The following SAMD12 variants were observed in gnomAD, a reference collection of about 807,000 sequenced individuals.
SAMD12 encodes sterile alpha motif domain containing 12.
In SAMD12, 9 loss-of-function variants were observed where a neutral mutation model predicts 15.0. The ratio of observed to expected loss-of-function variants is 0.60; its 90% CI spans 0.36 to 1.05. The LOEUF (loss-of-function observed/expected upper bound fraction) is 1.05. Among genes scored for constraint, SAMD12 ranks in the 50% least tolerant of loss-of-function variants. The probability of loss-of-function intolerance (pLI) is 0.01; values close to 1 mark genes in which losing one functional copy is unlikely to be tolerated. For synonymous variants in SAMD12, 86 were observed against 90.1 expected (o/e 0.96, Z 0.25); for missense variants, 230 against 234.2 (o/e 0.98, Z 0.12).
At chr8:118,512,530 T>C (rs1019841720) in intron 2 of SAMD12, among the ~76,000 whole-genome samples, 1 of 152,246 alleles carries the variant, frequency 6.6e-6, no homozygotes, top group African/African-American at 2.4e-5. Context: ...GATATTTTTA[T>C]GAAACCACAA....
At chr8:118,561,137 G>A (rs1173238320) in intron 2 of SAMD12, among the ~76,000 whole-genome samples, 1 of 151,956 alleles carries the variant, frequency 6.6e-6, no homozygotes, top group East Asian at 1.9e-4. Flanking sequence ...TCTCCCCAGG[G>A]TGCAAAACAA....
chr8:118,337,964 T>C (rs1292723875), intron 4 of SAMD12, among the ~76,000 whole-genome samples: 1 of 152,214 alleles, frequency 6.6e-6, no homozygotes, highest in African/African-American at 2.4e-5. Context: ...TAATGCATAC[T>C]ATACATAGGA....
At chr8:118,354,081 T>C (rs1353536114) in intron 4 of SAMD12, among the ~76,000 whole-genome samples, 1 of 152,238 alleles carries the variant, frequency 6.6e-6, no homozygotes, top group African/African-American at 2.4e-5. Flanking sequence ...ACAACCCTTT[T>C]GAGTTCCTTT....
At chr8:118,279,860 G>C (rs1813568927) in intron 4 of SAMD12, among the ~76,000 whole-genome samples, 1 of 152,210 alleles carries the variant, frequency 6.6e-6, no homozygotes, top group African/African-American at 2.4e-5. Context: ...GCCTGGCCCA[G>C]TGGGATTCAC....
intron 2 of SAMD12, among the ~76,000 whole-genome samples, chr8:118,541,038 T>A (rs1317298994): frequency 6.6e-6 from 1 of 152,178 alleles, no homozygotes; most frequent in Non-Finnish European, 1.5e-5. Flanking sequence ...CCTAGAGCTA[T>A]AAGGACCTGT....
chr8:118,352,284 C>T (rs1817996486), intron 4 of SAMD12, among the ~76,000 whole-genome samples: 1 of 152,172 alleles, frequency 6.6e-6, no homozygotes, highest in Non-Finnish European at 1.5e-5. Flanking sequence ...GTCATCAAAT[C>T]ACTTCAGATA....
intron 2 of SAMD12, among the ~76,000 whole-genome samples, chr8:118,551,837 A>G (rs1343208500): frequency 2.0e-5 from 3 of 152,056 alleles, no homozygotes; most frequent in Admixed American, 2.0e-4. Flanking sequence ...AAAAATGATA[A>G]AGGGGATATC....
In SAMD12 at chr8:118,337,774, G is replaced by A. The variant is rs147282254; in HGVS notation, c.433+41786C>T. 9.6e-3 allele frequency among the ~76,000 whole-genome samples: 1,461 copies of A among 152,274 alleles called. 15 individuals carry two copies. Among genetic ancestry groups the A allele is most frequent in the Middle Eastern group, 0.02 (6 of 294 alleles). ...TTAGTAATTGATCCAAAGCTCAAGA[G>A]TAGTGATGCTAGCAATCAGGATATG... is the stretch of plus-strand genomic sequence containing the variant. On this transcript the variant is annotated intron_variant, in intron 4 of 4. Transcript: ENST00000409003.
intron 4 of SAMD12, among the ~76,000 whole-genome samples, chr8:118,286,937 T>C (rs1436337736): frequency 6.6e-6 from 1 of 152,212 alleles, no homozygotes; most frequent in Non-Finnish European, 1.5e-5. Flanking sequence ...CTCATGTGCC[T>C]GAAGGTGCAC....
the SAMD12 span, among the ~76,000 whole-genome samples, chr8:118,178,741 C>T: frequency 6.6e-6 from 1 of 152,190 alleles, no homozygotes; most frequent in East Asian, 1.9e-4. Context: ...GCTGGTTTTA[C>T]AGGCATGAGC....
At chr8:118,206,662 G>A (rs961286916) in intron 4 of SAMD12, among the ~76,000 whole-genome samples, 1 of 152,130 alleles carries the variant, frequency 6.6e-6, no homozygotes, top group Non-Finnish European at 1.5e-5. Context: ...TCACTGATGC[G>A]CTGTCTCTAG....
chr8:118,152,085 A>G, the SAMD12 span, among the ~76,000 whole-genome samples: 8 of 152,312 alleles, frequency 5.3e-5, no homozygotes, highest in Admixed American at 5.2e-4. Context: ...CTTAGAAGAC[A>G]TATAACAAAG....
At chr8:118,410,249 A>C (rs1362900409) in intron 3 of SAMD12, among the ~76,000 whole-genome samples, 1 of 152,208 alleles carries the variant, frequency 6.6e-6, no homozygotes, top group Non-Finnish European at 1.5e-5. Context: ...ACTGTAGAAA[A>C]TGAAGGTTGA....
At chr8:118,519,784 A>G (rs1825338979) in intron 2 of SAMD12, among the ~76,000 whole-genome samples, 1 of 152,210 alleles carries the variant, frequency 6.6e-6, no homozygotes, top group African/African-American at 2.4e-5. Flanking sequence ...TAAAGCAGTA[A>G]ACTTTTAAAA....
At chr8:118,165,927 T>G in the SAMD12 span, among the ~76,000 whole-genome samples, 3 of 152,112 alleles carry the variant, frequency 2.0e-5, no homozygotes, top group Non-Finnish European at 2.9e-5. Context: ...AAAGGTCCGC[T>G]TTTTTGTGGC....
In SAMD12 at chr8:118,206,053, C is replaced by T. The variant is rs935690556; in HGVS notation, c.434-8321G>A. Among the ~76,000 whole-genome samples the T allele has an allele frequency of 1.1e-4, 16 of 152,268 alleles. No homozygotes were observed. In the East Asian group the frequency reaches 2.1e-3, roughly 20 times the overall value. On this transcript the variant is annotated intron_variant, in intron 4 of 4. Transcript: ENST00000409003. ...GAGGTTAAATTGAATCTCTAGATTC[C>T]GAGGTTTAAGAACCCTGACATTTTG...
chr8:118,221,150 C>A (rs1258124035), intron 4 of SAMD12, among the ~76,000 whole-genome samples: 1 of 152,050 alleles, frequency 6.6e-6, no homozygotes, highest in Admixed American at 6.6e-5. Flanking sequence ...TTAGTATTTA[C>A]GGTCTGGCTC....
At chr8:118,464,838 C>T (rs1357416452) in intron 2 of SAMD12, among the ~76,000 whole-genome samples, 1 of 152,018 alleles carries the variant, frequency 6.6e-6, no homozygotes, top group African/African-American at 2.4e-5. Context: ...TTTATCCCAC[C>T]ATAAGAAACA....
chr8:118,152,022 A>C, the SAMD12 span, among the ~76,000 whole-genome samples: 1 of 152,132 alleles, frequency 6.6e-6, no homozygotes, highest in Non-Finnish European at 1.5e-5. Flanking sequence ...TGAAAAGATT[A>C]GATTTAGCAC....
Sources: allele counts gnomAD v4.1 joint callset (sites outside exome capture counted in the v4.1 genomes callset), GRCh38; gene constraint gnomAD v4.1.1; transcripts MANE v1.5; gene names NCBI Gene and HGNC (gene_info 2026-07-23, HGNC 2026-07-21).